Variants in SLC4A7 observed in about 807,000 individuals in gnomAD.
SLC4A7 encodes the protein solute carrier family 4 member 7.
In SLC4A7, 51 loss-of-function variants were observed where a neutral mutation model predicts 137.6. That is an observed-to-expected ratio of 0.37 (90% CI 0.30 to 0.47). The LOEUF is 0.47. Among genes scored for constraint, SLC4A7 ranks in the 20% least tolerant of loss-of-function variants. The pLI, the probability that SLC4A7 is intolerant of heterozygous loss-of-function variation, is 1.00. For missense variants in SLC4A7, 1,247 were observed against 1,525.4 expected, an observed-to-expected ratio of 0.82 and a Z score of 3.04; for synonymous variants, 542 against 518.6, an observed-to-expected ratio of 1.05 and a Z score of -0.61.
chr3:27,401,182 C>T lies in SLC4A7; in HGVS notation c.2322-313G>A. The T allele has an allele frequency of 1.9e-5, 4 of 211,048 alleles. No homozygotes were observed. The South Asian group carries it at 3.6e-4, about 19-fold the overall frequency. 13.1% of individuals were successfully genotyped at this position (211,048 alleles called of 1,614,324 possible). Reference sequence around the variant, plus strand: ...TTAGCAAGATTAGTCTCCACTAAAGCTTATCTACTCAACCTCCATAGCAGT... The same window carrying T: ...TTAGCAAGATTAGTCTCCACTAAAGTTTATCTACTCAACCTCCATAGCAGT... On this transcript the variant is annotated intron_variant, in intron 15 of 25. Coordinates refer to ENST00000454389, the MANE Select transcript of SLC4A7 (RefSeq NM_001321103.2).
At chr3:27,406,179 C>A (rs1288009651) in intron 13 of SLC4A7, among the ~76,000 whole-genome samples, 1 of 152,324 alleles carries the variant, frequency 6.6e-6, no homozygotes, top group Admixed American at 6.5e-5. Context: ...ACTAGGTGTT[C>A]AGCCATGGCC....
rs377651626 is a variant in SLC4A7 at position 27,434,066 on chromosome 3, C to T, written c.628G>A (p.Asp210Asn). 2.1e-4 allele frequency: 340 copies of T among 1,613,164 alleles called. No homozygotes were observed. Among genetic ancestry groups the T allele is most frequent in the Non-Finnish European group, 2.8e-4 (336 of 1,179,734 alleles). Residue 210 changes from aspartate (D) to asparagine (N), a missense_variant, in exon 6 of 26, where the codon GAC (aspartate) becomes AAC (asparagine). By Grantham distance (23) the Asp-to-Asn change is conservative. Transcript: ENST00000454389. ...CTGACATTCTCTCGTATGGACTCGT[C>T]TAATTGGCCAGAAGCTATCATGTTG... is the stretch of plus-strand genomic sequence containing the variant. ...LDNMIASGQL[D>N]ESIRENVREA... is the part of the protein sequence containing the mutation.
At chr3:27,451,906 T>C (rs2058095898) in intron 2 of SLC4A7, among the ~76,000 whole-genome samples, 1 of 152,124 alleles carries the variant, frequency 6.6e-6, no homozygotes. Flanking sequence ...ATTCTGTAAA[T>C]CTAAAATTAT....
At chr3:27,465,466 A>T (rs1413370055) in intron 1 of SLC4A7, among the ~76,000 whole-genome samples, 1 of 107,908 alleles carries the variant, frequency 9.3e-6, no homozygotes, top group East Asian at 2.6e-4. Context: ...CTGAACTGGT[A>T]GGCACAGTAA....
chr3:27,447,883 T>A (rs552331401), intron 3 of SLC4A7, among the ~76,000 whole-genome samples: 3 of 151,904 alleles, frequency 2.0e-5, no homozygotes, highest in African/African-American at 7.3e-5. Flanking sequence ...TCCAGCCTAG[T>A]GGATAAAATC....
intron 3 of SLC4A7, among the ~76,000 whole-genome samples, chr3:27,438,482 G>A (rs1414715883): frequency 6.6e-6 from 1 of 151,808 alleles, no homozygotes; most frequent in Non-Finnish European, 1.5e-5. Flanking sequence ...TCCAGCCTGG[G>A]CGACAGAGCA....
At position 27,433,712 on chromosome 3, in the gene SLC4A7, G is replaced by C. The variant is rs2056503500; in HGVS notation, c.778+204C>G. Among the ~76,000 whole-genome samples the C allele has an allele frequency of 1.3e-5, 2 of 151,990 alleles. 1 individual carries two copies. The highest frequency in any genetic ancestry group is 4.1e-4 in the South Asian group (2 of 4,820). ...ACCCAAGATTTAGAATTTCAAAAAG[G>C]TAATATTAAAAATTATAGATCATAA... On this transcript the variant is annotated intron_variant, in intron 6 of 25. Coordinates refer to ENST00000454389, the MANE Select transcript of SLC4A7 (RefSeq NM_001321103.2).
intron 21 of SLC4A7, chr3:27,390,352 C>A: frequency 2.8e-6 from 1 of 352,534 alleles, no homozygotes. Context: ...AAACTCAAGC[C>A]AAAATGTTTA....
intron 23 of SLC4A7, among the ~76,000 whole-genome samples, chr3:27,384,681 G>A (rs565068420): frequency 2.0e-5 from 3 of 151,990 alleles, no homozygotes; most frequent in Admixed American, 6.6e-5. Context: ...AACTCATACA[G>A]GCCAGGCACA....
At chr3:27,432,089 A>G (rs2056358106) in intron 6 of SLC4A7, among the ~76,000 whole-genome samples, 1 of 152,202 alleles carries the variant, frequency 6.6e-6, no homozygotes, top group Non-Finnish European at 1.5e-5. Context: ...TATTTTTCCT[A>G]CATTTTACCA....
At chr3:27,446,053 T>C (rs1411452500) in intron 3 of SLC4A7, among the ~76,000 whole-genome samples, 2 of 133,906 alleles carry the variant, frequency 1.5e-5, no homozygotes, top group Non-Finnish European at 3.1e-5. Flanking sequence ...CTATACACAA[T>C]AAAAGGCAAC....
At chr3:27,443,492 GT>G (rs1012184405) in intron 3 of SLC4A7, among the ~76,000 whole-genome samples, 1 of 149,316 alleles carries the variant, frequency 6.7e-6, no homozygotes, top group Non-Finnish European at 1.5e-5. Context: ...GTCTGCTATT[GT>G]TTTTTTTTCT....
At position 27,395,992 on chromosome 3, in the gene SLC4A7, T is replaced by G. The variant is rs945934061; in HGVS notation, c.2704-877A>C. Among the ~76,000 whole-genome samples the G allele has an allele frequency of 2.0e-5, 3 of 152,190 alleles. No individual in the cohort carries two copies. The South Asian group carries it at 6.2e-4, about 32-fold the overall frequency. On this transcript the variant is annotated intron_variant, in intron 18 of 25. Transcript: ENST00000454389. ...GCACTTTATGAGATACTAATACATT[T>G]TGACAGTACAATGTAAGATTTTATA...
intron 11 of SLC4A7, among the ~76,000 whole-genome samples, chr3:27,416,920 G>C (rs952856637): frequency 7.9e-5 from 12 of 152,166 alleles, no homozygotes; most frequent in African/African-American, 2.9e-4. Flanking sequence ...AGTTGAATGA[G>C]AAATTTGTCA....
intron 1 of SLC4A7, among the ~76,000 whole-genome samples, chr3:27,462,103 T>G (rs946824559): frequency 6.6e-6 from 1 of 152,146 alleles, no homozygotes. Flanking sequence ...GGACCGTACA[T>G]GAGATTTAAT....
At chr3:27,420,441 C>T (rs1056184309) in intron 10 of SLC4A7, among the ~76,000 whole-genome samples, 5 of 151,618 alleles carry the variant, frequency 3.3e-5, no homozygotes, top group Non-Finnish European at 5.9e-5. Context: ...CCCAAAATTT[C>T]GAAAGTTCAA....
At chr3:27,460,182 C>T (rs1460593056) in intron 1 of SLC4A7, among the ~76,000 whole-genome samples, 3 of 151,898 alleles carry the variant, frequency 2.0e-5, no homozygotes, top group East Asian at 3.9e-4. Context: ...TATAGGCGTC[C>T]ACCACTACGC....
At chr3:27,425,370 T>TAAAA (rs56153970) in intron 7 of SLC4A7, among the ~76,000 whole-genome samples, 53 of 56,996 alleles carry the variant, frequency 9.3e-4, no homozygotes, top group African/African-American at 2.4e-3. Context: ...AACTCCGTCC[T>TAAAA]AAAAAAAAAA....
In SLC4A7 at chr3:27,395,092, C is replaced by A; in HGVS notation, c.2727G>T (p.Trp909Cys). The A allele has an allele frequency of 6.3e-7, 1 of 1,595,652 alleles. No homozygotes were observed. ...GATTATCTCCCAGTGGGCTTATGATCCACCCTCTCTCTGGATGAGTAGGCT... is the reference window on the plus strand; with the variant it reads ...GATTATCTCCCAGTGGGCTTATGATACACCCTCTCTCTGGATGAGTAGGCT... ...KFEPTHPERG[W>C]IISPLGDNPW... Residue 909 changes from tryptophan (W) to cysteine (C), a missense_variant, in exon 19 of 26, where the codon TGG (tryptophan) becomes TGT (cysteine). Trp to Cys is a radical substitution (Grantham distance 215, BLOSUM62 -2). Transcript: ENST00000454389.
Sources: gnomAD v4.1 joint callset for allele counts (sites outside exome capture counted in the v4.1 genomes callset) on GRCh38, gnomAD v4.1.1 for gene constraint, MANE v1.5 for transcripts, NCBI Gene and HGNC (gene_info 2026-07-23, HGNC 2026-07-21) for gene names.